PTPRZ1: variants seen among roughly 807,000 people sequenced by gnomAD.
PTPRZ1 encodes the protein receptor-type tyrosine-protein phosphatase zeta.
A neutral mutation model predicts 214.1 loss-of-function variants in PTPRZ1; 82 were observed. That is an observed-to-expected ratio of 0.38 (90% CI 0.32 to 0.46). PTPRZ1 has a LOEUF of 0.46. Among genes scored for constraint, PTPRZ1 ranks in the 20% least tolerant of loss-of-function variants. PTPRZ1 has a pLI of 1.00. For synonymous variants in PTPRZ1, 945 were observed against 987.9 expected, an observed-to-expected ratio of 0.96 and a Z score of 0.81; for missense variants, 2,603 against 2,748.7, an observed-to-expected ratio of 0.95 and a Z score of 1.19.
At chr7:121,996,811 A>G (rs1256548079) in intron 9 of PTPRZ1, among the ~76,000 whole-genome samples, 1 of 152,208 alleles carries the variant, frequency 6.6e-6, no homozygotes, top group Non-Finnish European at 1.5e-5. Context: ...TATAGAGTAG[A>G]TACATATGAC....
chr7:121,882,999 G>A lies in PTPRZ1; in HGVS notation c.58+9442G>A, dbSNP rs919614003. On this transcript the variant is annotated intron_variant, in intron 1 of 29. Coordinates refer to ENST00000393386, the MANE Select transcript of PTPRZ1 (RefSeq NM_002851.3). ...GTAGCATGGAACACAGGGAATCAGA[G>A]AAATATCCAGGAAGGAAAAGAGAAG... Among the ~76,000 whole-genome samples, 2 of 152,084 alleles carry A rather than the reference G, an allele frequency of 1.3e-5. 1 individual carries two copies. Among genetic ancestry groups the A allele is most frequent in the South Asian group, 4.1e-4 (2 of 4,826 alleles).
At chr7:121,898,766 A>C (rs1312441700) in intron 1 of PTPRZ1, among the ~76,000 whole-genome samples, 1 of 152,182 alleles carries the variant, frequency 6.6e-6, no homozygotes, top group Non-Finnish European at 1.5e-5. Flanking sequence ...AAAGAGAAGT[A>C]TTTCATATAC....
chr7:122,000,445 G>T (rs1390514353), intron 10 of PTPRZ1, among the ~76,000 whole-genome samples: 1 of 151,106 alleles, frequency 6.6e-6, no homozygotes, highest in Admixed American at 6.6e-5. Context: ...TGAGTTTGCT[G>T]CTTATTTCAT....
intron 13 of PTPRZ1, 82 bp downstream of exon 13, chr7:122,019,350 A>G: frequency 2.2e-6 from 3 of 1,360,740 alleles, no homozygotes; most frequent in Middle Eastern, 2.0e-4. Context: ...TCTTCAAAGC[A>G]TATTCAAAAT....
At chr7:121,908,360 T>TGTGG in intron 1 of PTPRZ1, 3 of 252,910 alleles carry the variant, frequency 1.2e-5, no homozygotes, top group Non-Finnish European at 2.3e-5. Flanking sequence ...GATCAATCCC[T>TGTGG]TTGGAAAAGA....
intron 2 of PTPRZ1, among the ~76,000 whole-genome samples, chr7:121,951,300 A>G (rs994504473): frequency 3.9e-5 from 6 of 152,230 alleles, no homozygotes; most frequent in African/African-American, 1.4e-4. Flanking sequence ...TACTAGCATT[A>G]CCTTTACCAC....
At chr7:122,044,227 A>G (rs765439057) in intron 22 of PTPRZ1, among the ~76,000 whole-genome samples, 195 bp from the exon 23 acceptor site, 6 of 152,192 alleles carry the variant, frequency 3.9e-5, no homozygotes, top group Non-Finnish European at 8.8e-5. Flanking sequence ...GTAAGGAATG[A>G]GAAGAGGTTC....
At chr7:121,933,233 G>A (rs577909223) in intron 2 of PTPRZ1, among the ~76,000 whole-genome samples, 105 of 151,150 alleles carry the variant, frequency 6.9e-4, no homozygotes, top group Non-Finnish European at 1.3e-3. Context: ...TATCCTAGGA[G>A]ATGTTAAAAA....
intron 17 of PTPRZ1, among the ~76,000 whole-genome samples, chr7:122,034,579 G>A (rs958594571): frequency 1.3e-5 from 2 of 152,008 alleles, no homozygotes; most frequent in South Asian, 4.1e-4. Flanking sequence ...AATAACATCT[G>A]TTTTATTTAA....
intron 2 of PTPRZ1, among the ~76,000 whole-genome samples, chr7:121,956,492 T>A (rs998811910): frequency 1.3e-5 from 2 of 152,230 alleles, no homozygotes; most frequent in African/African-American, 4.8e-5. Context: ...TAGCATGTTT[T>A]TAACAACTTT....
At position 121,983,959 on chromosome 7, in the gene PTPRZ1, T is replaced by G; in HGVS notation, c.778-8T>G. Reference sequence around the variant, plus strand: ...CAGATATGTTAAATTATTTGATCTTTTTTTCAGTTGGCTGTTTTTTGTGAA... The same window carrying G: ...CAGATATGTTAAATTATTTGATCTTGTTTTCAGTTGGCTGTTTTTTGTGAA... On this transcript the variant is annotated splice_region_variant and splice_polypyrimidine_tract_variant and intron_variant, in intron 7 of 29. Transcript: ENST00000393386. 1 of 1,610,438 alleles carries G rather than the reference T, an allele frequency of 6.2e-7. No homozygotes were observed. The highest frequency in any genetic ancestry group is 8.5e-7 in the Non-Finnish European group (1 of 1,178,000).
intron 13 of PTPRZ1, among the ~76,000 whole-genome samples, chr7:122,023,327 A>G (rs570833729): frequency 2.0e-5 from 3 of 151,220 alleles, no homozygotes; most frequent in South Asian, 2.1e-4. Context: ...GGCATTTGCT[A>G]TATGGCCTTG....
rs547415242 is a variant in PTPRZ1, at chr7:121,878,021, G to A, written c.58+4464G>A. ...TTTAAATTGTATTTCAACTTTTAGT[G>A]TCTTATTGAGATTAATTCCTAGAAG... On this transcript the variant is annotated intron_variant, in intron 1 of 29. Transcript: ENST00000393386. Among the ~76,000 whole-genome samples the A allele has an allele frequency of 9.9e-5, 15 of 151,316 alleles. 1 individual carries two copies. In the Middle Eastern group the frequency reaches 0.01, roughly 105 times the overall value.
intron 2 of PTPRZ1, among the ~76,000 whole-genome samples, chr7:121,957,950 G>C (rs532178429): frequency 6.6e-6 from 1 of 152,124 alleles, no homozygotes; most frequent in East Asian, 1.9e-4. Context: ...TTCATGCTTT[G>C]TTTTTTCTCT....
intron 1 of PTPRZ1, among the ~76,000 whole-genome samples, chr7:121,909,631 T>C (rs1034878531): frequency 2.6e-5 from 4 of 152,150 alleles, no homozygotes; most frequent in African/African-American, 9.6e-5. Flanking sequence ...GTCATGAATA[T>C]TTACATAATG....
chr7:122,000,361 G>C (rs1798279282), intron 10 of PTPRZ1, among the ~76,000 whole-genome samples: 1 of 151,622 alleles, frequency 6.6e-6, no homozygotes. Context: ...TTGTGGCTTG[G>C]TAAAACAGAT....
intron 23 of PTPRZ1, among the ~76,000 whole-genome samples, chr7:122,046,712 G>A (rs369504264): frequency 1.3e-5 from 2 of 152,070 alleles, no homozygotes; most frequent in Admixed American, 1.3e-4. Context: ...GAGAGGTGTG[G>A]TGAGGGAGAA....
At chr7:121,977,565 A>G (rs763718291) in intron 6 of PTPRZ1, among the ~76,000 whole-genome samples, 9 of 152,252 alleles carry the variant, frequency 5.9e-5, no homozygotes, top group Non-Finnish European at 8.8e-5. Context: ...ATTTGAAATC[A>G]GAAACAAAAC....
chr7:122,047,409 A>G (rs1213668898), intron 23 of PTPRZ1, among the ~76,000 whole-genome samples: 1 of 152,090 alleles, frequency 6.6e-6, no homozygotes, highest in Non-Finnish European at 1.5e-5. Flanking sequence ...TTAAAAACTA[A>G]TGGGAAGGGA....
Sources: allele counts gnomAD v4.1 joint callset (sites outside exome capture counted in the v4.1 genomes callset), GRCh38; gene constraint gnomAD v4.1.1; transcripts MANE v1.5; gene names NCBI Gene and HGNC (gene_info 2026-07-23, HGNC 2026-07-21).